Variants in CCT8L2 observed in about 807,000 individuals in gnomAD.
The protein encoded by CCT8L2 is chaperonin containing TCP1 subunit 8 like 2.
CCT8L2 carries 29 observed loss-of-function variants against 31.5 expected under a neutral mutation model. The ratio of observed to expected loss-of-function variants is 0.92; its 90% CI spans 0.68 to 1.25. The LOEUF is 1.25. Among genes scored for constraint, CCT8L2 ranks in the 50% most tolerant of loss-of-function variants. CCT8L2 has a pLI of 0.00. For synonymous variants in CCT8L2, 256 were observed against 290.1 expected (o/e 0.88, Z 1.19); for missense variants, 589 against 695.7 (o/e 0.85, Z 1.73).
At position 16,591,100 on chromosome 22, in the gene CCT8L2, C is replaced by T; in HGVS notation, c.1451G>A (p.Gly484Glu). ...GNLLMGVGTE[G>E]IINVAQEGVW... ...CCCTTCCTGGGCCACATTTATTATC[C>T]CTTCAGTTCCCACACCCATTAGGAG... The change falls in exon 1 of 1, where the codon GGG (glycine) becomes GAG (glutamate). Residue 484 changes from glycine (G) to glutamate (E), a missense_variant. Transcript: ENST00000359963. The T allele has an allele frequency of 6.2e-7, 1 of 1,613,888 alleles. No homozygotes were observed.
rs774172347 is a variant in CCT8L2 at position 16,591,990 on chromosome 22, G to T, written c.561C>A (p.Ala187=). 9.6e-5 allele frequency: 155 copies of T among 1,614,094 alleles called. No individual in the cohort carries two copies. Among genetic ancestry groups the T allele is most frequent in the Non-Finnish European group, 1.2e-4 (140 of 1,180,050 alleles). The change falls in exon 1 of 1, where the codon GCC becomes GCA. Residue 187 remains alanine, a synonymous_variant. Coordinates refer to ENST00000359963, the MANE Select transcript of CCT8L2 (RefSeq NM_014406.5). ...CGTCTAGTTCCTTGATAGCCCAGCAGGCGTGGGCCACCAGCTTGGTCAAGT... is the reference window on the plus strand; with the variant it reads ...CGTCTAGTTCCTTGATAGCCCAGCATGCGTGGGCCACCAGCTTGGTCAAGT... ...MDHLTKLVAH[A]CWAIKELDGS...
chr22:16,591,945 A>C lies in CCT8L2; in HGVS notation c.606T>G (p.Arg202=). The stretch of plus-strand genomic sequence containing the variant: ...CCCCGGGCAGCGCGCACACCCCAAC[A>C]CGCTCAGGCTTGAAGCTGCCGTCTA... The part of the protein sequence containing the change: ...KELDGSFKPE[R]VGVCALPGGT... Residue 202 remains arginine (R), a synonymous_variant, in exon 1 of 1, where the codon CGT becomes CGG. Coordinates refer to ENST00000359963, the MANE Select transcript of CCT8L2 (RefSeq NM_014406.5). The C allele has an allele frequency of 1.2e-6, 2 of 1,613,944 alleles. No individual in the cohort carries two copies. The highest frequency in any genetic ancestry group is 1.7e-6 in the Non-Finnish European group (2 of 1,179,944).
rs745732247 is a variant in CCT8L2, at chr22:16,590,942, A to G, written c.1609T>C (p.Ser537Pro). ...PTHQEIWNPD[S>P]KKTKKHPPPV... ...GGTGGGTGTTTCTTTGTCTTCTTAG[A>G]GTCAGGATTCCAGATCTCCTGATGT... Residue 537 changes from serine to proline, a missense_variant, in exon 1 of 1, where the codon TCT becomes CCT. Physicochemically the swap from Ser to Pro is moderately conservative, Grantham distance 74 (BLOSUM62 -1). Coordinates refer to ENST00000359963, the MANE Select transcript of CCT8L2 (RefSeq NM_014406.5). The G allele has an allele frequency of 1.2e-6, 2 of 1,613,862 alleles. No homozygotes were observed. Among genetic ancestry groups the G allele is most frequent in the East Asian group, 4.5e-5 (2 of 44,864 alleles).
Position 16,591,772 on chromosome 22 carries a change from C to T in CCT8L2, c.779G>A (p.Arg260His), listed in dbSNP as rs772884061. 30 of 1,614,066 alleles carry T rather than the reference C, an allele frequency of 1.9e-5. No homozygotes were observed. The highest frequency in any genetic ancestry group is 4.4e-5 in the South Asian group (4 of 91,092). Reference protein sequence around the residue: ...PAHPNAPATARLSSPADLAQF... With the variant: ...PAHPNAPATAHLSSPADLAQF... ...AGCTAGATCAGCAGGACTAGAAAGA[C>T]GGGCCGTTGCTGGTGCATTTGGATG... The change falls in exon 1 of 1, where the codon CGT (arginine) becomes CAT (histidine). Residue 260 changes from arginine (R) to histidine (H), a missense_variant. Physicochemically the swap from Arg to His is conservative, Grantham distance 29 (BLOSUM62 0). Coordinates refer to ENST00000359963, the MANE Select transcript of CCT8L2 (RefSeq NM_014406.5).
rs541066402 is a variant in CCT8L2 at position 16,590,764 on chromosome 22, C to T, written c.*113G>A. ...CATGAAAAGAAATTTTATGTTCCTT[C>T]ATGTTTTTATTTAAAGAAAGTGAAT... On this transcript the variant is annotated 3_prime_UTR_variant, in exon 1 of 1. Transcript: ENST00000359963. The T allele has an allele frequency of 8.4e-6, 7 of 830,782 alleles. No individual in the cohort carries two copies. In the African/African-American group the frequency reaches 1.2e-4, roughly 14 times the overall value. The allele number at this position is 830,782 out of a possible 1,614,324, so 51.5% of individuals were successfully genotyped here.
In CCT8L2 at chr22:16,591,909, C is replaced by T. The variant is rs777612318; in HGVS notation, c.642G>A (p.Glu214=). ...GVCALPGGTL[E]DSCLLPGLAI... Reference sequence around the variant, plus strand: ...CTAACCCCGGGAGGAGGCAGGAATCCTCCAGTGTCCCCCCGGGCAGCGCGC... The same window carrying T: ...CTAACCCCGGGAGGAGGCAGGAATCTTCCAGTGTCCCCCCGGGCAGCGCGC... Residue 214 remains glutamate (E), a synonymous_variant, in exon 1 of 1, where the codon GAG becomes GAA. Coordinates refer to ENST00000359963, the MANE Select transcript of CCT8L2 (RefSeq NM_014406.5). The T allele has an allele frequency of 6.2e-7, 1 of 1,614,122 alleles. No homozygotes were observed. The highest frequency in any genetic ancestry group is 1.7e-5 in the Admixed American group (1 of 60,014).
Position 16,591,459 on chromosome 22 carries a change from T to C in CCT8L2, c.1092A>G (p.Glu364=). The change falls in exon 1 of 1, where the codon GAA becomes GAG. Residue 364 remains glutamate (E), a synonymous_variant. Transcript: ENST00000359963. ...GGGCAGGTGTGCCTGTACATTCCCA[T>C]TCAAATACCACAGCCAAACCATCTC... The part of the protein sequence containing the change: ...ELGDGLAVVF[E]WECTGTPALT... 6.2e-7 allele frequency: 1 copy of C among 1,614,138 alleles called. No homozygotes were observed. The highest frequency in any genetic ancestry group is 8.5e-7 in the Non-Finnish European group (1 of 1,180,004).
In CCT8L2 at chr22:16,591,773, G is replaced by A. The variant is rs369684364; in HGVS notation, c.778C>T (p.Arg260Cys). 53 of 1,614,144 alleles carry A rather than the reference G, an allele frequency of 3.3e-5. No individual in the cohort carries two copies. Among genetic ancestry groups the A allele is most frequent in the African/African-American group, 2.5e-4 (19 of 75,028 alleles). Reference protein sequence around the residue: ...PAHPNAPATARLSSPADLAQF... With the variant: ...PAHPNAPATACLSSPADLAQF... ...GCTAGATCAGCAGGACTAGAAAGAC[G>A]GGCCGTTGCTGGTGCATTTGGATGG... Residue 260 changes from arginine (R) to cysteine (C), a missense_variant, in exon 1 of 1, where the codon CGT (arginine) becomes TGT (cysteine). Physicochemically the swap from Arg to Cys is radical, Grantham distance 180. Transcript: ENST00000359963.
In CCT8L2 at chr22:16,591,446, C is replaced by A; in HGVS notation, c.1105G>T (p.Gly369Cys). 1 of 1,614,116 alleles carries A rather than the reference C, an allele frequency of 6.2e-7. No homozygotes were observed. The highest frequency in any genetic ancestry group is 8.5e-7 in the Non-Finnish European group (1 of 1,179,974). Reference protein sequence around the residue: ...LAVVFEWECTGTPALTVVLRG... With the variant: ...LAVVFEWECTCTPALTVVLRG... ...AGAACCACAGTGAGGGCAGGTGTGC[C>A]TGTACATTCCCATTCAAATACCACA... Residue 369 changes from glycine (G) to cysteine (C), a missense_variant, in exon 1 of 1, where the codon GGC becomes TGC. Physicochemically the swap from Gly to Cys is radical, Grantham distance 159. Transcript: ENST00000359963.
At position 16,592,338 on chromosome 22, in the gene CCT8L2, C is replaced by T. The variant is rs1413719451; in HGVS notation, c.213G>A (p.Gly71=). 3 of 1,614,226 alleles carry T rather than the reference C, an allele frequency of 1.9e-6. No homozygotes were observed. The highest frequency in any genetic ancestry group is 2.2e-5 in the East Asian group (1 of 44,878). The change falls in exon 1 of 1, where the codon GGG becomes GGA. Residue 71 remains glycine (G), a synonymous_variant. Transcript: ENST00000359963. The part of the protein sequence containing the change: ...VTMKGETVCT[G]CATAILRALE... The stretch of plus-strand genomic sequence containing the variant: ...GGGCCCTGAGGATGGCAGTGGCACA[C>T]CCCGTGCACACTGTTTCTCCTTTCA...
rs1345389961 is a variant in CCT8L2, at chr22:16,591,620, C to T, written c.931G>A (p.Gly311Ser). 1.2e-6 allele frequency: 2 copies of T among 1,614,196 alleles called. No homozygotes were observed. Among genetic ancestry groups the T allele is most frequent in the Non-Finnish European group, 1.7e-6 (2 of 1,180,036 alleles). ...EETLTLADKY[G>S]IVVIQARSWM... is the part of the protein sequence containing the mutation. ...GACCTAGCTTGAATCACCACGATGCCATACTTGTCCGCCAGTGTGAGGGTC... is the reference window on the plus strand; with the variant it reads ...GACCTAGCTTGAATCACCACGATGCTATACTTGTCCGCCAGTGTGAGGGTC... Residue 311 changes from glycine (G) to serine (S), a missense_variant, in exon 1 of 1, where the codon GGC becomes AGC. Physicochemically the swap from Gly to Ser is moderately conservative, Grantham distance 56. Coordinates refer to ENST00000359963, the MANE Select transcript of CCT8L2 (RefSeq NM_014406.5).
rs779930741 is a variant in CCT8L2, at chr22:16,591,038, G to C, written c.1513C>G (p.Arg505Gly). The C allele has an allele frequency of 6.2e-6, 10 of 1,613,962 alleles. No homozygotes were observed. Among genetic ancestry groups the C allele is most frequent in the Middle Eastern group, 1.7e-4 (1 of 6,056 alleles). The change falls in exon 1 of 1, where the codon CGA becomes GGA. Residue 505 changes from arginine to glycine, a missense_variant. Transcript: ENST00000359963. ...DTLIVKAQGFRAVAEVVLQLV... is the reference protein window; with the variant it reads ...DTLIVKAQGFGAVAEVVLQLV... ...TGTAGCACCACCTCAGCCACTGCTC[G>C]AAATCCTTGGGCTTTGACTATTAGG...
rs1372647642 is a variant in CCT8L2 at position 16,591,314 on chromosome 22, C to T, written c.1237G>A (p.Gly413Arg). 1.9e-6 allele frequency: 3 copies of T among 1,613,938 alleles called. No homozygotes were observed. In the Admixed American group the frequency reaches 5.0e-5, roughly 27 times the overall value. ...CQDPRLIPGA[G>R]ATEMALAKML... ...TTTGCCAAAGCCATTTCTGTGGCCC[C>T]AGCTCCTGGAATCAGTCTGGGATCT... The change falls in exon 1 of 1, where the codon GGG becomes AGG. Residue 413 changes from glycine to arginine, a missense_variant. Gly to Arg is a moderately radical substitution (Grantham distance 125). Coordinates refer to ENST00000359963, the MANE Select transcript of CCT8L2 (RefSeq NM_014406.5).
chr22:16,591,403 T>G lies in CCT8L2; in HGVS notation c.1148A>C (p.Gln383Pro). Residue 383 changes from glutamine to proline, a missense_variant, in exon 1 of 1, where the codon CAG becomes CCG. Gln to Pro is a moderately conservative substitution (Grantham distance 76). Coordinates refer to ENST00000359963, the MANE Select transcript of CCT8L2 (RefSeq NM_014406.5). The stretch of plus-strand genomic sequence containing the variant: ...GGCCTGCTCTGCACTCCGCAGCCCC[T>G]GGGTGGTGGCTCCCCTGAGAACCAC... ...LTVVLRGATT[Q>P]GLRSAEQAVY... is the part of the protein sequence containing the mutation. The G allele has an allele frequency of 2.5e-6, 4 of 1,614,020 alleles. No homozygotes were observed. The highest frequency in any genetic ancestry group is 3.4e-6 in the Non-Finnish European group (4 of 1,179,878).
chr22:16,591,668 C>A lies in CCT8L2; in HGVS notation c.883G>T (p.Val295Leu). 6.2e-7 allele frequency: 1 copy of A among 1,614,248 alleles called. No homozygotes were observed. The highest frequency in any genetic ancestry group is 1.1e-5 in the South Asian group (1 of 91,076). The change falls in exon 1 of 1, where the codon GTG (valine) becomes TTG (leucine). Residue 295 changes from valine (V) to leucine (L), a missense_variant. Val to Leu is a conservative substitution (Grantham distance 32, BLOSUM62 1). Coordinates refer to ENST00000359963, the MANE Select transcript of CCT8L2 (RefSeq NM_014406.5). ...LAAAGINVAV[V>L]LGEVDEETLT... Reference sequence around the variant, plus strand: ...GTCTCCTCGTCGACCTCCCCCAACACCACTGCCACATTAATTCCTGCAGCT... The same window carrying A: ...GTCTCCTCGTCGACCTCCCCCAACAACACTGCCACATTAATTCCTGCAGCT...
chr22:16,591,023 C>T lies in CCT8L2; in HGVS notation c.1528G>A (p.Val510Met). 2 of 1,613,988 alleles carry T rather than the reference C, an allele frequency of 1.2e-6. No individual in the cohort carries two copies. Among genetic ancestry groups the T allele is most frequent in the Non-Finnish European group, 1.7e-6 (2 of 1,179,846 alleles). ...KAQGFRAVAE[V>M]VLQLVTVDEI... ...TCTACAGTCACGAGCTGTAGCACCA[C>T]CTCAGCCACTGCTCGAAATCCTTGG... Residue 510 changes from valine to methionine, a missense_variant, in exon 1 of 1, where the codon GTG becomes ATG. By Grantham distance (21) the Val-to-Met change is conservative (BLOSUM62 1). Coordinates refer to ENST00000359963, the MANE Select transcript of CCT8L2 (RefSeq NM_014406.5).
Position 16,592,161 on chromosome 22 carries a change from C to A in CCT8L2, c.390G>T (p.Pro130=). 6.2e-7 allele frequency: 1 copy of A among 1,614,144 alleles called. No individual in the cohort carries two copies. The highest frequency in any genetic ancestry group is 8.5e-7 in the Non-Finnish European group (1 of 1,180,036). ...CCGTGGCGTAGGCCTCCCGGAGCTG[C>A]GGGCGAGGCAGGCCAGCCTTCAGCA... The part of the protein sequence containing the change: ...EQLLKAGLPR[P]QLREAYATAT... Residue 130 remains proline (P), a synonymous_variant, in exon 1 of 1, where the codon CCG becomes CCT. Transcript: ENST00000359963.
In CCT8L2 at chr22:16,592,183, A is replaced by G. The variant is rs1471534393; in HGVS notation, c.368T>C (p.Leu123Pro). The stretch of plus-strand genomic sequence containing the variant: ...CTGCGGGCGAGGCAGGCCAGCCTTC[A>G]GCAGCTGCTCTGCCTGTTCCAGCAA... ...EALLEQAEQL[L>P]KAGLPRPQLR... The change falls in exon 1 of 1, where the codon CTG becomes CCG. Residue 123 changes from leucine (L) to proline (P), a missense_variant. Coordinates refer to ENST00000359963, the MANE Select transcript of CCT8L2 (RefSeq NM_014406.5). 4.3e-6 allele frequency: 7 copies of G among 1,614,010 alleles called. No homozygotes were observed. Among genetic ancestry groups the G allele is most frequent in the Non-Finnish European group, 4.2e-6 (5 of 1,179,962 alleles).
Position 16,591,336 on chromosome 22 carries a change from A to C in CCT8L2, c.1215T>G (p.Asp405Glu), listed in dbSNP as rs756904583. Residue 405 changes from aspartate to glutamate, a missense_variant, in exon 1 of 1, where the codon GAT (aspartate) becomes GAG (glutamate). Coordinates refer to ENST00000359963, the MANE Select transcript of CCT8L2 (RefSeq NM_014406.5). ...CCCCAGCTCCTGGAATCAGTCTGGG[A>C]TCTTGACATAGCTGGAAATAGGCAT... ...GIDAYFQLCQ[D>E]PRLIPGAGAT... 34 of 1,614,022 alleles carry C rather than the reference A, an allele frequency of 2.1e-5. No individual in the cohort carries two copies. The South Asian group carries it at 3.2e-4, about 15-fold the overall frequency.
Sources: allele counts gnomAD v4.1 joint callset, GRCh38; gene constraint gnomAD v4.1.1; transcripts MANE v1.5; gene names NCBI Gene and HGNC (gene_info 2026-07-23, HGNC 2026-07-21).